Variants in GALNTL6 observed in about 807,000 individuals in gnomAD.
The protein encoded by GALNTL6 is polypeptide N-acetylgalactosaminyltransferase like 6.
In GALNTL6, 46 loss-of-function variants were observed where a neutral mutation model predicts 73.7. The ratio of observed to expected loss-of-function variants is 0.62; its 90% CI spans 0.49 to 0.80. GALNTL6 has a LOEUF of 0.80. Ranked by LOEUF, GALNTL6 falls within the 30% of genes least tolerant of loss-of-function variation. GALNTL6 has a pLI of 0.00. For synonymous variants in GALNTL6, 259 were observed against 263.7 expected, an observed-to-expected ratio of 0.98 and a Z score of 0.17; for missense variants, 604 against 755.0, an observed-to-expected ratio of 0.80 and a Z score of 2.34.
At chr4:172,503,535 T>TATATATAC (rs1422857907) in intron 5 of GALNTL6, among the ~76,000 whole-genome samples, 1 of 92,542 alleles carries the variant, frequency 1.1e-5, no homozygotes, top group African/African-American at 3.0e-5. Context: ...AGTATATATA[T>TATATATAC]ATATATATAT....
chr4:172,983,187 G>A (rs1256219540), intron 10 of GALNTL6, among the ~76,000 whole-genome samples: 1 of 152,256 alleles, frequency 6.6e-6, no homozygotes, highest in Admixed American at 6.5e-5. Context: ...GGCAGAGATT[G>A]CATAAGCCAC....
chr4:172,081,908 G>A (rs368340330), intron 2 of GALNTL6, among the ~76,000 whole-genome samples: 2 of 147,676 alleles, frequency 1.4e-5, no homozygotes, highest in Non-Finnish European at 3.0e-5. Context: ...ACAGAGTCTC[G>A]CTCTGTCACT....
At chr4:172,582,257 C>T (rs1357251948) in intron 5 of GALNTL6, among the ~76,000 whole-genome samples, 6 of 152,164 alleles carry the variant, frequency 3.9e-5, no homozygotes, top group Non-Finnish European at 5.9e-5. Context: ...GCTTTCGAAT[C>T]GTAGCTATGC....
chr4:172,034,622 T>G (rs1741879883), intron 2 of GALNTL6, among the ~76,000 whole-genome samples: 1 of 152,104 alleles, frequency 6.6e-6, no homozygotes, highest in South Asian at 2.1e-4. Context: ...ACTCATGAAT[T>G]TACAAGCAAG....
intron 7 of GALNTL6, among the ~76,000 whole-genome samples, chr4:172,855,403 T>G (rs566773463): frequency 6.6e-6 from 1 of 152,286 alleles, no homozygotes; most frequent in Non-Finnish European, 1.5e-5. Context: ...ATGATGAAAC[T>G]CAATTAATTT....
intron 8 of GALNTL6, among the ~76,000 whole-genome samples, chr4:172,890,371 G>T (rs1481779107): frequency 2.0e-5 from 3 of 152,086 alleles, no homozygotes; most frequent in Non-Finnish European, 4.4e-5. Flanking sequence ...TAGGTATTCA[G>T]AGCTATAAGC....
intron 7 of GALNTL6, among the ~76,000 whole-genome samples, chr4:172,841,828 C>A (rs534998110): frequency 9.2e-5 from 14 of 152,166 alleles, no homozygotes; most frequent in Non-Finnish European, 1.9e-4. Context: ...TCGTATCAAC[C>A]CCTATCTTCT....
At chr4:172,197,648 A>G (rs1449072480) in intron 2 of GALNTL6, among the ~76,000 whole-genome samples, 2 of 152,230 alleles carry the variant, frequency 1.3e-5, no homozygotes, top group African/African-American at 2.4e-5. Flanking sequence ...ATCTACACAC[A>G]TCTAATCTTC....
intron 2 of GALNTL6, among the ~76,000 whole-genome samples, chr4:172,125,491 T>G (rs1733268741): frequency 6.6e-6 from 1 of 152,178 alleles, no homozygotes; most frequent in Non-Finnish European, 1.5e-5. Flanking sequence ...TTTGTATCAG[T>G]GTATTTTTAA....
At chr4:172,796,131 G>T (rs956072255) in intron 5 of GALNTL6, among the ~76,000 whole-genome samples, 5 of 151,326 alleles carry the variant, frequency 3.3e-5, no homozygotes, top group African/African-American at 9.7e-5. Flanking sequence ...ATATTTTCCA[G>T]GTCTTCTATA....
At chr4:172,196,102 T>A (rs1579240981) in intron 2 of GALNTL6, among the ~76,000 whole-genome samples, 1 of 146,884 alleles carries the variant, frequency 6.8e-6, no homozygotes, top group African/African-American at 2.5e-5. Context: ...CAATAAAATG[T>A]GATAAAGGGG....
intron 3 of GALNTL6, among the ~76,000 whole-genome samples, chr4:172,299,777 T>G (rs1739840115): frequency 6.6e-6 from 1 of 152,228 alleles, no homozygotes. Context: ...TGAGGAGTGC[T>G]TTACTTCCAA....
chr4:172,417,547 G>A (rs901825548), intron 5 of GALNTL6, among the ~76,000 whole-genome samples: 3 of 152,088 alleles, frequency 2.0e-5, no homozygotes, highest in African/African-American at 7.2e-5. Context: ...TACTTGGAAA[G>A]CTGAGGCAAG....
chr4:171,879,090 C>T (rs1736363644), intron 2 of GALNTL6, among the ~76,000 whole-genome samples: 3 of 151,936 alleles, frequency 2.0e-5, no homozygotes, highest in South Asian at 4.2e-4. Context: ...TATAGTAGTG[C>T]GAGAACAAAC....
At chr4:172,622,039 C>T (rs916245278) in intron 5 of GALNTL6, among the ~76,000 whole-genome samples, 13 of 152,112 alleles carry the variant, frequency 8.5e-5, no homozygotes, top group African/African-American at 3.1e-4. Context: ...ATCCCTGGTC[C>T]TCACACTAGG....
chr4:172,025,496 AT>A (rs1741540223), intron 2 of GALNTL6, among the ~76,000 whole-genome samples: 1 of 152,020 alleles, frequency 6.6e-6, no homozygotes, highest in Non-Finnish European at 1.5e-5. Context: ...AAGAGAAATA[AT>A]AAAAGATAGA....
intron 5 of GALNTL6, among the ~76,000 whole-genome samples, chr4:172,494,704 T>C (rs1579127474): frequency 1.3e-5 from 2 of 152,234 alleles, no homozygotes; most frequent in African/African-American, 2.4e-5. Flanking sequence ...GAGCAAAAGC[T>C]GAAGAACTTG....
chr4:171,982,438 C>T (rs1004675670), intron 2 of GALNTL6, among the ~76,000 whole-genome samples: 1 of 152,092 alleles, frequency 6.6e-6, no homozygotes, highest in African/African-American at 2.4e-5. Flanking sequence ...GCTGGGACTA[C>T]AGGCGCCCGC....
At chr4:172,003,738 C>A (rs1740747685) in intron 2 of GALNTL6, among the ~76,000 whole-genome samples, 1 of 152,096 alleles carries the variant, frequency 6.6e-6, no homozygotes, top group Non-Finnish European at 1.5e-5. Context: ...TGTCCTCAGT[C>A]ATGGTGCCTT....
Sources: allele counts gnomAD v4.1 joint callset (sites outside exome capture counted in the v4.1 genomes callset), GRCh38; gene constraint gnomAD v4.1.1; transcripts MANE v1.5; gene names NCBI Gene and HGNC (gene_info 2026-07-23, HGNC 2026-07-21).